The following HDGFL3 variants were observed in gnomAD, a reference collection of about 807,000 sequenced individuals.
HDGFL3 encodes the protein hepatoma-derived growth factor-related protein 3.
In HDGFL3, 6 loss-of-function variants were observed where a neutral mutation model predicts 27.6. The ratio of observed to expected loss-of-function variants is 0.22; its 90% CI spans 0.12 to 0.43. The LOEUF (loss-of-function observed/expected upper bound fraction) is 0.43. Ranked by LOEUF, HDGFL3 falls within the 20% of genes least tolerant of loss-of-function variation. The probability of loss-of-function intolerance (pLI) is 1.00; values close to 1 mark genes in which losing one functional copy is unlikely to be tolerated. For synonymous variants in HDGFL3, 88 were observed against 88.9 expected, an observed-to-expected ratio of 0.99 and a Z score of 0.05; for missense variants, 207 against 250.1, an observed-to-expected ratio of 0.83 and a Z score of 1.16.
rs541770880 is a variant in HDGFL3 at position 83,153,518 on chromosome 15, A to G, written c.460-2157T>C. Among the ~76,000 whole-genome samples, 11 of 152,324 alleles carry G rather than the reference A, an allele frequency of 7.2e-5. No homozygotes were observed. In the South Asian group the frequency reaches 2.3e-3, roughly 32 times the overall value. The stretch of plus-strand genomic sequence containing the variant: ...ATTCTATGAAGAAATCTGGTTGCCA[A>G]GCTCTATTTGGTAATCTTGAAAAGC... On this transcript the variant is annotated intron_variant, in intron 4 of 5. Transcript: ENST00000299633.
At chr15:83,153,695 G>C (rs1447530515) in intron 4 of HDGFL3, among the ~76,000 whole-genome samples, 1 of 152,040 alleles carries the variant, frequency 6.6e-6, no homozygotes, top group Non-Finnish European at 1.5e-5. Context: ...TTTGTTGTGA[G>C]GCTCTCATTA....
chr15:83,157,649 T>C, intron 3 of HDGFL3, 76 bp from the exon 4 acceptor site: 1 of 1,352,704 alleles, frequency 7.4e-7, no homozygotes, highest in East Asian at 2.3e-5. Flanking sequence ...AGAACTACTC[T>C]GTTTTCATTT....
intron 2 of HDGFL3, among the ~76,000 whole-genome samples, chr15:83,158,557 A>G (rs1163763373): frequency 2.0e-5 from 3 of 152,180 alleles, no homozygotes; most frequent in African/African-American, 7.2e-5. Flanking sequence ...AAAATGAACA[A>G]TTCATAGGTT....
At chr15:83,154,123 T>C (rs1023155118) in intron 4 of HDGFL3, among the ~76,000 whole-genome samples, 1 of 149,538 alleles carries the variant, frequency 6.7e-6, no homozygotes, top group Non-Finnish European at 1.5e-5. Context: ...GAGACCAGCC[T>C]GGGCAACATG....
At position 83,138,867 on chromosome 15, in the gene HDGFL3, A is replaced by C. The variant is rs75469242; in HGVS notation, c.*403T>G. On this transcript the variant is annotated 3_prime_UTR_variant, in exon 6 of 6. Coordinates refer to ENST00000299633, the MANE Select transcript of HDGFL3 (RefSeq NM_016073.4). ...GTCACAGAGAGGAAATTCCATTCTT[A>C]AGCATTATGTTGAGTGGTCATCTAA... is the stretch of plus-strand genomic sequence containing the variant. 1,083 of 155,444 alleles carry C rather than the reference A, an allele frequency of 7.0e-3. 52 individuals are homozygous for C. The East Asian group carries it at 0.13, about 18-fold the overall frequency. The allele number at this position is 155,444 out of a possible 1,614,324, so 9.6% of individuals were successfully genotyped here.
intron 1 of HDGFL3, among the ~76,000 whole-genome samples, chr15:83,183,117 C>T (rs1369546950): frequency 1.3e-5 from 2 of 152,100 alleles, no homozygotes; most frequent in African/African-American, 4.8e-5. Context: ...ATTATCTAGT[C>T]AATAAATCAG....
chr15:83,189,517 C>T (rs2037486046), intron 1 of HDGFL3: 1 of 152,250 alleles, frequency 6.6e-6, no homozygotes, highest in Non-Finnish European at 1.5e-5. Context: ...AGAAGTCTTC[C>T]TTTATTATAC....
chr15:83,180,432 T>C (rs998291792), intron 1 of HDGFL3, among the ~76,000 whole-genome samples: 1 of 151,974 alleles, frequency 6.6e-6, no homozygotes, highest in Non-Finnish European at 1.5e-5. Flanking sequence ...GTTTATGAGG[T>C]GTGGTAAATT....
intron 2 of HDGFL3, among the ~76,000 whole-genome samples, chr15:83,162,420 T>A (rs1211141954): frequency 1.3e-5 from 2 of 152,108 alleles, no homozygotes. Context: ...TACAACCAGA[T>A]CATTTGGAGA....
chr15:83,204,203 C>A (rs146782220), intron 1 of HDGFL3, among the ~76,000 whole-genome samples: 3 of 151,364 alleles, frequency 2.0e-5, no homozygotes, highest in Non-Finnish European at 4.4e-5. Flanking sequence ...ATATATGTAT[C>A]ACATATACTT....
Position 83,139,027 on chromosome 15 carries a change from G to T in HDGFL3, c.*243C>A, listed in dbSNP as rs1390418349. The T allele has an allele frequency of 6.4e-6, 2 of 314,664 alleles. No homozygotes were observed. Among genetic ancestry groups the T allele is most frequent in the Non-Finnish European group, 1.2e-5 (2 of 170,578 alleles). 19.5% of individuals were successfully genotyped at this position (314,664 alleles called of 1,614,324 possible). A position where few individuals can be genotyped will look rare whatever the true frequency, so the allele number is the denominator to read the frequency against. Reference sequence around the variant, plus strand: ...GCAAAAATCTTGATAATCCTTAGTGGTTAAGGGCAACTTCATGCAACCAAA... The same window carrying T: ...GCAAAAATCTTGATAATCCTTAGTGTTTAAGGGCAACTTCATGCAACCAAA... On this transcript the variant is annotated 3_prime_UTR_variant, in exon 6 of 6. Coordinates refer to ENST00000299633, the MANE Select transcript of HDGFL3 (RefSeq NM_016073.4).
downstream of HDGFL3, among the ~76,000 whole-genome samples, chr15:83,125,419 G>A (rs988511612): frequency 2.0e-5 from 3 of 152,188 alleles, no homozygotes; most frequent in African/African-American, 7.2e-5. Flanking sequence ...CTTACTAGCT[G>A]TGTGGCCTTG....
At position 83,205,126 on chromosome 15, in the gene HDGFL3, T is replaced by C. The variant is rs576161087; in HGVS notation, c.84+2205A>G. Among the ~76,000 whole-genome samples, 4 of 152,342 alleles carry C rather than the reference T, an allele frequency of 2.6e-5. No homozygotes were observed. The East Asian group carries it at 7.7e-4, about 29-fold the overall frequency. ...GAAACTTCAATAAGCAAGACTTTTT[T>C]TCCCAGTTAGCATTTTATAACATTA... On this transcript the variant is annotated intron_variant, in intron 1 of 5. Transcript: ENST00000299633.
chr15:83,198,715 GCAAC>G (rs1364584914), intron 1 of HDGFL3, among the ~76,000 whole-genome samples: 1 of 152,180 alleles, frequency 6.6e-6, no homozygotes, highest in Non-Finnish European at 1.5e-5. Flanking sequence ...CACGTGAAAA[GCAAC>G]CAAACAGGAG....
intron 1 of HDGFL3, among the ~76,000 whole-genome samples, chr15:83,164,367 CAAAA>C (rs869303457): frequency 9.2e-3 from 352 of 38,374 alleles, no homozygotes; most frequent in Non-Finnish European, 0.014. Flanking sequence ...TTAGAGTAAC[CAAAA>C]AAAAAAAAAA....
intron 1 of HDGFL3, among the ~76,000 whole-genome samples, chr15:83,192,831 T>C (rs1247810939): frequency 6.6e-6 from 1 of 152,226 alleles, no homozygotes; most frequent in East Asian, 1.9e-4. Flanking sequence ...ATTTAAATAA[T>C]CAAACACAGG....
intron 5 of HDGFL3, among the ~76,000 whole-genome samples, chr15:83,150,817 C>G (rs1259264317): frequency 5.3e-5 from 8 of 152,162 alleles, no homozygotes; most frequent in Non-Finnish European, 7.3e-5. Context: ...CAATGAATTA[C>G]ACACTGCTTC....
chr15:83,137,558 G>C lies in HDGFL3; in HGVS notation c.*1712C>G, dbSNP rs1210293597. 1 of 151,986 alleles carries C rather than the reference G, an allele frequency of 6.6e-6. No individual in the cohort carries two copies. Among genetic ancestry groups the C allele is most frequent in the Non-Finnish European group, 1.5e-5 (1 of 67,974 alleles). The allele number at this position is 151,986 out of a possible 1,614,324, so 9.4% of individuals were successfully genotyped here. A position where few individuals can be genotyped will look rare whatever the true frequency, so the allele number is the denominator to read the frequency against. On this transcript the variant is annotated 3_prime_UTR_variant, in exon 6 of 6. Coordinates refer to ENST00000299633, the MANE Select transcript of HDGFL3 (RefSeq NM_016073.4). The stretch of plus-strand genomic sequence containing the variant: ...CATTCAAATATTCAAAATTAAAAAG[G>C]ACCTTTTAAGGAAGAAGTATTAGAT...
chr15:83,118,077 C>G lies in HDGFL3; in HGVS notation c.394-2336G>C, dbSNP rs576446004. Among the ~76,000 whole-genome samples, 13 of 152,296 alleles carry G rather than the reference C, an allele frequency of 8.5e-5. No individual in the cohort carries two copies. The East Asian group carries it at 2.3e-3, about 27-fold the overall frequency. ...TGGTTTCACCATTAATATAGAGAGG[C>G]CATGGCTGGCCTGGTGGCTCATGCC... On this transcript the variant is annotated intron_variant, in intron 3 of 3. Transcript: ENST00000568294.
Sources: gnomAD v4.1 joint callset for allele counts (sites outside exome capture counted in the v4.1 genomes callset) on GRCh38, gnomAD v4.1.1 for gene constraint, MANE v1.5 for transcripts, NCBI Gene and HGNC (gene_info 2026-07-23, HGNC 2026-07-21) for gene names.